The following WDR59 variants were observed in gnomAD, a reference collection of about 807,000 sequenced individuals.
The protein encoded by WDR59 is GATOR2 complex protein WDR59.
Under a neutral mutation model 131.2 loss-of-function variants are expected in WDR59, and 100 were observed. The ratio of observed to expected loss-of-function variants is 0.76; its 90% confidence interval spans 0.65 to 0.90. WDR59 has a LOEUF of 0.90. Ranked by LOEUF, WDR59 falls within the 40% of genes least tolerant of loss-of-function variation. The pLI is 0.00. For synonymous variants in WDR59, 601 were observed against 466.2 expected (o/e 1.29, Z -3.72); for missense variants, 1,203 against 1,262.2 (o/e 0.95, Z 0.71).
chr16:74,947,653 G>C (rs2032729669), intron 6 of WDR59, among the ~76,000 whole-genome samples: 1 of 152,202 alleles, frequency 6.6e-6, no homozygotes, highest in Non-Finnish European at 1.5e-5. Flanking sequence ...TTAGATACTT[G>C]ATGATATTAA....
intron 7 of WDR59, among the ~76,000 whole-genome samples, chr16:74,940,828 C>T (rs936506160): frequency 3.9e-5 from 6 of 152,074 alleles, no homozygotes; most frequent in African/African-American, 7.2e-5. Flanking sequence ...GCCTCAGCCT[C>T]CCGAGTAGCT....
At chr16:74,979,950 G>A (rs1427919574) in intron 1 of WDR59, among the ~76,000 whole-genome samples, 2 of 145,260 alleles carry the variant, frequency 1.4e-5, no homozygotes, top group African/African-American at 5.1e-5. Flanking sequence ...CTGGGCTCAA[G>A]CAATTCTCCT....
chr16:74,898,837 G>A (rs1216634187), intron 18 of WDR59, among the ~76,000 whole-genome samples: 1 of 152,226 alleles, frequency 6.6e-6, no homozygotes, highest in East Asian at 1.9e-4. Flanking sequence ...AAATTCAGCA[G>A]TCGGGTTGGC....
At chr16:74,900,956 G>A (rs574435608) in intron 18 of WDR59, among the ~76,000 whole-genome samples, 8 of 152,316 alleles carry the variant, frequency 5.3e-5, no homozygotes, top group Non-Finnish European at 1.0e-4. Context: ...ATGATTAGCC[G>A]GGCATGGTGT....
intron 25 of WDR59, among the ~76,000 whole-genome samples, chr16:74,884,045 G>A (rs998276132): frequency 6.6e-6 from 1 of 152,150 alleles, no homozygotes; most frequent in Non-Finnish European, 1.5e-5. Context: ...TCTAGGAATC[G>A]TCCAAGTTTC....
intron 1 of WDR59, among the ~76,000 whole-genome samples, chr16:74,981,660 A>ATATATTTTTTTTTTTTT (rs1567451007): frequency 1.2e-5 from 1 of 80,864 alleles, no homozygotes. Flanking sequence ...ATATATATAT[A>ATATATTTTTTTTTTTTT]TTTTTTTTTT....
rs1965904319 is a variant in WDR59, at chr16:74,908,037, T to C, written c.1712+871A>G. On this transcript the variant is annotated intron_variant, in intron 17 of 25. Transcript: ENST00000262144. Reference sequence around the variant, plus strand: ...AAACTTTTTTTAATGCACAGAAAAATAATGACTAGACAGAAACATGTTCTG... The same window carrying C: ...AAACTTTTTTTAATGCACAGAAAAACAATGACTAGACAGAAACATGTTCTG... Among the ~76,000 whole-genome samples, 3 of 152,014 alleles carry C rather than the reference T, an allele frequency of 2.0e-5. No individual in the cohort carries two copies. The South Asian group carries it at 6.2e-4, about 32-fold the overall frequency.
At chr16:74,940,843 C>G (rs994271217) in intron 7 of WDR59, among the ~76,000 whole-genome samples, 1 of 151,898 alleles carries the variant, frequency 6.6e-6, no homozygotes, top group Non-Finnish European at 1.5e-5. Flanking sequence ...GTAGCTGGGA[C>G]TACAGGCGCC....
At chr16:74,884,773 T>C (rs780379236) in intron 25 of WDR59, among the ~76,000 whole-genome samples, 3 of 152,184 alleles carry the variant, frequency 2.0e-5, no homozygotes, top group Non-Finnish European at 2.9e-5. Flanking sequence ...CTTCCTTCGC[T>C]TGTTCACAAC....
At chr16:74,887,781 C>T (rs1214321367) in intron 22 of WDR59, 26 bp from the exon 23 acceptor site, 3 of 1,601,538 alleles carry the variant, frequency 1.9e-6, no homozygotes, top group African/African-American at 2.7e-5. Context: ...GAAGAACCAA[C>T]AGGACTAGCA....
In WDR59 at chr16:74,896,591, C is replaced by T. The variant is rs554972720; in HGVS notation, c.1867-2779G>A. Among the ~76,000 whole-genome samples the T allele has an allele frequency of 2.9e-4, 44 of 151,576 alleles. No individual in the cohort carries two copies. In the East Asian group the frequency reaches 7.0e-3, roughly 24 times the overall value. On this transcript the variant is annotated intron_variant, in intron 18 of 25. Transcript: ENST00000262144. ...CAGAAGTTGCAGTGAGCTGAGGTCG[C>T]GCCCCTGCACTCCAGCCTGGGCAAC...
chr16:74,948,457 G>T, intron 6 of WDR59, 62 bp downstream of exon 6: 1 of 1,461,132 alleles, frequency 6.8e-7, no homozygotes, highest in Non-Finnish European at 9.6e-7. Context: ...GGAAAGAACT[G>T]GAAGGAAGAA....
intron 1 of WDR59, 107 bp downstream of exon 1, chr16:74,984,857 C>T: frequency 3.3e-6 from 5 of 1,500,878 alleles, no homozygotes; most frequent in Non-Finnish European, 4.5e-6. Context: ...CTCCTCAGTA[C>T]GGGGCCTAGG....
chr16:74,888,247 A>ACCCT lies in WDR59; in HGVS notation c.2267_2268insAGGG (p.Arg757GlyfsTer15). 1.9e-6 allele frequency: 3 copies of ACCCT among 1,614,192 alleles called. No individual in the cohort carries two copies. The South Asian group carries it at 3.3e-5, about 18-fold the overall frequency. ...AGGGGTTTGGTAGCCCCTGAGGCCG[A>ACCCT]GACTGGGCTTCAAACACGCTACAGA... On this transcript the variant is annotated frameshift_variant, in exon 22 of 26. Coordinates refer to ENST00000262144, the MANE Select transcript of WDR59 (RefSeq NM_030581.4). LOFTEE classifies it high-confidence loss of function.
intron 2 of WDR59, among the ~76,000 whole-genome samples, chr16:74,961,506 G>C (rs1371162773): frequency 6.6e-6 from 1 of 152,076 alleles, no homozygotes; most frequent in South Asian, 2.1e-4. Flanking sequence ...GCGAGAGATG[G>C]TCTCTCATTG....
At chr16:74,895,901 C>A (rs1333150432) in intron 18 of WDR59, among the ~76,000 whole-genome samples, 1 of 152,086 alleles carries the variant, frequency 6.6e-6, no homozygotes, top group Admixed American at 6.5e-5. Context: ...GGTCATTTAG[C>A]CTATGTCTAC....
rs550528830 is a variant in WDR59 at position 74,943,065 on chromosome 16, C to G, written c.446-239G>C. On this transcript the variant is annotated intron_variant, in intron 6 of 25. Transcript: ENST00000262144. ...AGGAAATAATCTCAGGGGAAAAAAT[C>G]TACAGGTCACTCTGAGCAGAATCAG... is the stretch of plus-strand genomic sequence containing the variant. Among the ~76,000 whole-genome samples, 9 of 152,270 alleles carry G rather than the reference C, an allele frequency of 5.9e-5. No individual in the cohort carries two copies. In the South Asian group the frequency reaches 1.9e-3, roughly 32 times the overall value.
intron 18 of WDR59, among the ~76,000 whole-genome samples, chr16:74,898,380 T>C (rs940157996): frequency 2.0e-5 from 3 of 152,124 alleles, no homozygotes; most frequent in African/African-American, 7.2e-5. Flanking sequence ...CTTTCAATGC[T>C]CCATCAATAG....
At chr16:74,955,194 G>A (rs561483004) in intron 3 of WDR59, among the ~76,000 whole-genome samples, 13 of 152,328 alleles carry the variant, frequency 8.5e-5, no homozygotes, top group South Asian at 8.3e-4. Flanking sequence ...CAACTGAGGC[G>A]TCAGCCTAAA....
Sources: gnomAD v4.1 joint callset for allele counts (sites outside exome capture counted in the v4.1 genomes callset) on GRCh38, gnomAD v4.1.1 for gene constraint, MANE v1.5 for transcripts, NCBI Gene and HGNC (gene_info 2026-07-23, HGNC 2026-07-21) for gene names.